The following DDX3X variants were observed in gnomAD, a reference collection of about 807,000 sequenced individuals.
DDX3X encodes DEAD-box helicase 3 X-linked.
A neutral mutation model predicts 52.7 loss-of-function variants in DDX3X; 4 were observed. The ratio of observed to expected loss-of-function variants is 0.08; its 90% CI spans 0.04 to 0.17. The LOEUF (loss-of-function observed/expected upper bound fraction) is 0.17, where lower values mean the gene tolerates loss of function less well. Ranked by LOEUF, DDX3X falls within the 10% of genes least tolerant of loss-of-function variation. The pLI, the probability that DDX3X is intolerant of heterozygous loss-of-function variation, is 1.00. For missense variants in DDX3X, 222 were observed against 548.6 expected, an observed-to-expected ratio of 0.40 and a Z score of 5.95; for synonymous variants, 192 against 178.1, an observed-to-expected ratio of 1.08 and a Z score of -0.62.
chrX:41,340,549 A>G (rs780459051), intron 3 of DDX3X: 1 of 238,165 alleles, frequency 4.2e-6, no homozygotes, highest in South Asian at 2.7e-4. Flanking sequence ...CATGTTTGTC[A>G]TCCCCTTACC....
At chrX:41,350,403 A>G (rs1202733227), downstream of DDX3X, 1 of 112,415 alleles carries the variant, frequency 8.9e-6, no homozygotes, top group Non-Finnish European at 1.9e-5. Flanking sequence ...ATACAGTGAA[A>G]CAGGATTTTT....
intron 5 of DDX3X, among the ~76,000 whole-genome samples, chrX:41,356,871 C>T (rs753662578): frequency 2.7e-5 from 3 of 109,159 alleles, no homozygotes; most frequent in East Asian, 2.8e-4. Flanking sequence ...TTCACAATTC[C>T]GTTTCATTAA....
At chrX:41,360,143 G>A (rs746251118) in intron 5 of DDX3X, among the ~76,000 whole-genome samples, 8 of 109,810 alleles carry the variant, frequency 7.3e-5, no homozygotes, top group African/African-American at 2.0e-4. Flanking sequence ...TTTGGGAAGC[G>A]GAGGTGGGCG....
Position 41,343,779 on chromosome X carries a change from A to G in DDX3X, c.722A>G (p.Gln241Arg), listed in dbSNP as rs1311554406. ...GCATTTCTGTTGCCCATCTTGAGTCAGATTTATTCAGATGGTCCAGGCGAG... is the reference window on the plus strand; with the variant it reads ...GCATTTCTGTTGCCCATCTTGAGTCGGATTTATTCAGATGGTCCAGGCGAG... ...TAAFLLPILS[Q>R]IYSDGPGEAL... The change falls in exon 8 of 17, where the codon CAG becomes CGG. Residue 241 changes from glutamine to arginine, a missense_variant. Gln to Arg is a conservative substitution (Grantham distance 43). This residue lies in a region of DDX3X where 73 missense variants were observed against 301.4 expected (regional missense o/e 0.24). Transcript: ENST00000644876. The G allele has an allele frequency of 1.7e-6, 2 of 1,208,951 alleles. No homozygotes were observed. The highest frequency in any genetic ancestry group is 2.2e-6 in the Non-Finnish European group (2 of 894,449).
Position 41,347,356 on chromosome X carries a change from G to A in DDX3X, c.1814G>A (p.Ser605Asn). Residue 605 changes from serine (S) to asparagine (N), a missense_variant, in exon 16 of 17, where the codon AGT (serine) becomes AAT (asparagine). Physicochemically the swap from Ser to Asn is conservative, Grantham distance 46. Transcript: ENST00000644876. ...GGFGARDYRQ[S>N]SGASSSSFSS... ...TTTGGTGCCAGAGACTACCGACAAA[G>A]TAGCGGTGCCAGCAGTTCCAGCTTC... The A allele has an allele frequency of 8.3e-7, 1 of 1,211,713 alleles. No homozygotes were observed. Among genetic ancestry groups the A allele is most frequent in the Non-Finnish European group, 1.1e-6 (1 of 895,344 alleles).
At position 41,347,172 on chromosome X, in the gene DDX3X, G is replaced by C. The variant is rs1210456837; in HGVS notation, c.1770-140G>C. ...TTTGGTAAGGGGTTGTATTAGAATGGGTGACACTCTGTTGGGGAAAATATG... is the reference window on the plus strand; with the variant it reads ...TTTGGTAAGGGGTTGTATTAGAATGCGTGACACTCTGTTGGGGAAAATATG... On this transcript the variant is annotated intron_variant, in intron 15 of 16. Transcript: ENST00000644876. 3 of 918,398 alleles carry C rather than the reference G, an allele frequency of 3.3e-6. No individual in the cohort carries two copies. In the African/African-American group the frequency reaches 6.0e-5, roughly 18 times the overall value. 75.7% of individuals were successfully genotyped at this position (918,398 alleles called of 1,213,427 possible).
chrX:41,339,388 A>C (rs956146091), intron 3 of DDX3X: 2 of 130,813 alleles, frequency 1.5e-5, no homozygotes, highest in African/African-American at 6.3e-5. Context: ...AGTTTGGAAG[A>C]GGTGGGTGCC....
chrX:41,339,937 G>A (rs7052191), intron 3 of DDX3X: 17,816 of 85,548 alleles, frequency 0.21, 2,290 homozygotes, highest in African/African-American at 0.44. Context: ...TTTTTGAGAC[G>A]GAGCCTTGCT....
At chrX:41,354,344 C>CTTTTTTTTTTTTTTTTTTT (rs60965317), downstream of DDX3X, among the ~76,000 whole-genome samples, 2 of 69,944 alleles carry the variant, frequency 2.9e-5, no homozygotes, top group African/African-American at 6.3e-5. Context: ...TGTGCTACCT[C>CTTTTTTTTTTTTTTTTTTT]TTTTTTTTTT....
At chrX:41,351,031 A>G (rs2063981535), downstream of DDX3X, 1 of 112,136 alleles carries the variant, frequency 8.9e-6, no homozygotes, top group Non-Finnish European at 1.9e-5. Flanking sequence ...GAATTTTGAC[A>G]CATGGCCATA....
chrX:41,363,650 G>T lies in DDX3X; in HGVS notation c.655-624G>T, dbSNP rs1293519549. Among the ~76,000 whole-genome samples, 4 of 109,947 alleles carry T rather than the reference G, an allele frequency of 3.6e-5. No individual in the cohort carries two copies. In the East Asian group the frequency reaches 1.1e-3, roughly 32 times the overall value. On this transcript the variant is annotated intron_variant, in intron 5 of 5. Coordinates refer to the DDX3X transcript ENST00000616050. ...AATTCAAAATTAGCCAGGCATGGTG[G>T]CGCATGCCTGTAATCCCAGCTACTC...
chrX:41,346,052 A>G (rs942410707), intron 12 of DDX3X, among the ~76,000 whole-genome samples, 177 bp from the exon 13 acceptor site: 1 of 110,952 alleles, frequency 9.0e-6, no homozygotes, highest in African/African-American at 3.3e-5. Context: ...CCATCTCTTA[A>G]ATGTATTTGG....
Position 41,341,183 on chromosome X carries a change from C to T in DDX3X, c.152-301C>T, listed in dbSNP as rs191532396. ...TATATGTAGTAGAGACGGGGTTTCTCCATGTTGGTCAGGCTAGTCTCGAAC... is the reference window on the plus strand; with the variant it reads ...TATATGTAGTAGAGACGGGGTTTCTTCATGTTGGTCAGGCTAGTCTCGAAC... On this transcript the variant is annotated intron_variant, in intron 3 of 16. Coordinates refer to ENST00000644876, the MANE Select transcript of DDX3X (RefSeq NM_001356.5). 1.1e-3 allele frequency: 213 copies of T among 192,590 alleles called. 2 individuals carry two copies. The highest frequency in any genetic ancestry group is 4.2e-3 in the Admixed American group (59 of 14,072). 15.9% of individuals were successfully genotyped at this position (192,590 alleles called of 1,213,427 possible). A position where few individuals can be genotyped will look rare whatever the true frequency, so the allele number is the denominator to read the frequency against.
At chrX:41,354,287 G>T (rs1269778491), downstream of DDX3X, among the ~76,000 whole-genome samples, 2 of 101,753 alleles carry the variant, frequency 2.0e-5, no homozygotes, top group African/African-American at 7.3e-5. Flanking sequence ...GTGTAGATTT[G>T]TGTAACCCCC....
At chrX:41,338,984 G>A (rs2063809281) in intron 2 of DDX3X, 52 bp from the exon 3 acceptor site, 1 of 561,027 alleles carries the variant, frequency 1.8e-6, no homozygotes, top group Non-Finnish European at 2.5e-6. Context: ...AAATTTAAAT[G>A]GGAAGGTTTT....
At chrX:41,340,763 A>G (rs937517855) in intron 3 of DDX3X, 1 of 297,122 alleles carries the variant, frequency 3.4e-6, no homozygotes, top group Non-Finnish European at 5.9e-6. Context: ...GTAATCTGAC[A>G]GTCTATGAAT....
chrX:41,334,497 G>GTAT, intron 1 of DDX3X, 200 bp downstream of exon 1: 1 of 1,097,554 alleles, frequency 9.1e-7, no homozygotes, highest in Non-Finnish European at 1.2e-6. Flanking sequence ...TCGGCCCGCT[G>GTAT]TATTGTCCCC....
At chrX:41,337,343 G>A in intron 1 of DDX3X, 65 bp from the exon 2 acceptor site, 1 of 1,000,700 alleles carries the variant, frequency 1.0e-6, no homozygotes, top group Non-Finnish European at 1.4e-6. Flanking sequence ...CTAGAGGGCA[G>A]GACTAGTTTT....
chrX:41,334,849 G>T, intron 1 of DDX3X: 1 of 737,781 alleles, frequency 1.4e-6, no homozygotes, highest in South Asian at 3.2e-5. Flanking sequence ...GTGGTGCTGG[G>T]CGGCGCTGTG....
Sources: allele counts gnomAD v4.1 joint callset (sites outside exome capture counted in the v4.1 genomes callset), GRCh38; gene constraint gnomAD v4.1.1; regional missense constraint gnomAD v4.1.1; transcripts MANE v1.5; gene names NCBI Gene and HGNC (gene_info 2026-07-23, HGNC 2026-07-21).